ADAMTSL1: variants seen among roughly 807,000 people sequenced by gnomAD.
ADAMTSL1 encodes ADAMTS-like protein 1.
Under a neutral mutation model 201.8 loss-of-function variants are expected in ADAMTSL1, and 126 were observed. The observed-to-expected ratio is 0.62, with a 90% CI of 0.54 to 0.72. ADAMTSL1 has a LOEUF of 0.72. Ranked by LOEUF, ADAMTSL1 falls within the 30% of genes least tolerant of loss-of-function variation. ADAMTSL1 has a pLI of 0.00. For synonymous variants in ADAMTSL1, 1,121 were observed against 903.4 expected, an observed-to-expected ratio of 1.24 and a Z score of -4.32; for missense variants, 2,679 against 2,277.8, an observed-to-expected ratio of 1.18 and a Z score of -3.59.
intron 1 of ADAMTSL1, among the ~76,000 whole-genome samples, chr9:17,943,281 A>G (rs1441334749): frequency 3.3e-5 from 5 of 152,126 alleles, no homozygotes; most frequent in African/African-American, 1.2e-4. Flanking sequence ...GTGTTCATAA[A>G]GAGTAGCTTA....
At chr9:18,266,691 A>G (rs1832129705) in intron 2 of ADAMTSL1, among the ~76,000 whole-genome samples, 1 of 152,142 alleles carries the variant, frequency 6.6e-6, no homozygotes, top group Non-Finnish European at 1.5e-5. Context: ...CATCATGGTG[A>G]TGGTCTCACT....
At chr9:18,030,193 T>G (rs1307258561) in intron 1 of ADAMTSL1, among the ~76,000 whole-genome samples, 3 of 152,210 alleles carry the variant, frequency 2.0e-5, no homozygotes, top group Admixed American at 6.5e-5. Flanking sequence ...GTGGCACATA[T>G]ACACCATGGA....
Position 18,540,382 on chromosome 9 carries a change from G to C in ADAMTSL1, c.237+7090G>C, listed in dbSNP as rs57730671. Among the ~76,000 whole-genome samples the C allele has an allele frequency of 8.2e-3, 1,244 of 152,298 alleles. 20 individuals carry two copies. Among genetic ancestry groups the C allele is most frequent in the African/African-American group, 0.029 (1,198 of 41,572 alleles). ...GAATGATTATGAAAGAAATAAAGCA[G>C]AGTAATGGGATGGAGAGTGACACAG... On this transcript the variant is annotated intron_variant, in intron 3 of 28. Coordinates refer to ENST00000380548, the MANE Select transcript of ADAMTSL1 (RefSeq NM_001040272.6).
At position 18,138,201 on chromosome 9, in the gene ADAMTSL1, A is replaced by G. The variant is rs138362090; in HGVS notation, c.88-25661A>G. ...CGAAAAGTAAGTATTAAATGAGGCA[A>G]TATGTGTTCAAATTGCTCTGTAAAT... On this transcript the variant is annotated intron_variant, in intron 1 of 29. Coordinates refer to the ADAMTSL1 transcript ENST00000680146. 4.5e-4 allele frequency among the ~76,000 whole-genome samples: 68 copies of G among 152,304 alleles called. No individual in the cohort carries two copies. The East Asian group carries it at 0.013, about 29-fold the overall frequency.
intron 4 of ADAMTSL1, among the ~76,000 whole-genome samples, chr9:18,602,135 A>G (rs561948705): frequency 1.7e-4 from 26 of 152,328 alleles, no homozygotes; most frequent in African/African-American, 5.5e-4. Flanking sequence ...CCTACTGCCT[A>G]TGAGAAGGTA....
intron 2 of ADAMTSL1, among the ~76,000 whole-genome samples, chr9:18,274,925 C>T (rs1047182590): frequency 1.3e-5 from 2 of 152,170 alleles, no homozygotes; most frequent in Admixed American, 1.3e-4. Flanking sequence ...AATTTCCTCC[C>T]ATGAGCAAAA....
chr9:18,194,076 G>A (rs1475798892), intron 2 of ADAMTSL1, among the ~76,000 whole-genome samples: 1 of 151,998 alleles, frequency 6.6e-6, no homozygotes, highest in East Asian at 1.9e-4. Context: ...GAGGACAGTT[G>A]GAGTGATAGT....
At chr9:18,876,110 T>G (rs1828131546) in intron 23 of ADAMTSL1, among the ~76,000 whole-genome samples, 1 of 152,162 alleles carries the variant, frequency 6.6e-6, no homozygotes, top group African/African-American at 2.4e-5. Flanking sequence ...TTCTACCCCT[T>G]TACCTTAAGT....
chr9:18,335,454 T>G (rs752239022), intron 2 of ADAMTSL1, among the ~76,000 whole-genome samples: 80 of 152,074 alleles, frequency 5.3e-4, no homozygotes, highest in Non-Finnish European at 1.0e-3. Context: ...GGAGGCAATA[T>G]ATCACAAAAT....
At chr9:18,716,509 A>G (rs1206519517) in intron 14 of ADAMTSL1, among the ~76,000 whole-genome samples, 1 of 151,834 alleles carries the variant, frequency 6.6e-6, no homozygotes, top group African/African-American at 2.4e-5. Flanking sequence ...ACTGGCCATC[A>G]GAGAAATGCA....
intron 1 of ADAMTSL1, among the ~76,000 whole-genome samples, chr9:18,087,003 G>GT (rs2131799340): frequency 6.6e-6 from 1 of 152,228 alleles, no homozygotes; most frequent in African/African-American, 2.4e-5. Context: ...AATCAACTCT[G>GT]TTTTTGTAAA....
intron 4 of ADAMTSL1, among the ~76,000 whole-genome samples, chr9:18,618,538 A>AC (rs1825840003): frequency 6.6e-6 from 1 of 151,686 alleles, no homozygotes; most frequent in South Asian, 2.1e-4. Flanking sequence ...GAAAAAAAAA[A>AC]CAAAATAATA....
intron 2 of ADAMTSL1, among the ~76,000 whole-genome samples, chr9:18,430,110 C>G (rs1433460301): frequency 6.6e-6 from 1 of 152,038 alleles, no homozygotes; most frequent in Non-Finnish European, 1.5e-5. Context: ...AGATTTTAAA[C>G]AGGACTTCTT....
intron 23 of ADAMTSL1, among the ~76,000 whole-genome samples, chr9:18,857,247 T>C (rs1436312292): frequency 1.3e-5 from 2 of 152,356 alleles, no homozygotes; most frequent in East Asian, 3.9e-4. Flanking sequence ...TAATACCTCA[T>C]TGCCCAGTGC....
At chr9:18,458,263 T>G (rs942802679) in intron 2 of ADAMTSL1, among the ~76,000 whole-genome samples, 9 of 152,150 alleles carry the variant, frequency 5.9e-5, no homozygotes, top group African/African-American at 2.2e-4. Context: ...CTAGTGTGTA[T>G]ATACCTACAC....
intron 2 of ADAMTSL1, among the ~76,000 whole-genome samples, chr9:18,279,335 T>G (rs1013627704): frequency 2.6e-5 from 4 of 152,074 alleles, no homozygotes; most frequent in Admixed American, 6.5e-5. Context: ...TCTGTGCAGG[T>G]GGACCCACAG....
At chr9:18,890,661 A>T in intron 25 of ADAMTSL1, 1 of 455,198 alleles carries the variant, frequency 2.2e-6, no homozygotes, top group South Asian at 1.6e-5. Flanking sequence ...CACAGGAATG[A>T]TTAATGTCCT....
intron 7 of ADAMTSL1, 89 bp from the exon 8 acceptor site, chr9:18,657,550 G>A: frequency 1.1e-6 from 1 of 914,594 alleles, no homozygotes; most frequent in East Asian, 2.5e-5. Context: ...AAAACCATCA[G>A]CACTACCATA....
At chr9:18,408,589 G>C (rs1818302397) in intron 2 of ADAMTSL1, among the ~76,000 whole-genome samples, 1 of 152,174 alleles carries the variant, frequency 6.6e-6, no homozygotes, top group Non-Finnish European at 1.5e-5. Context: ...CTCTTCTAGA[G>C]CTTGCAGTCT....
Sources: allele counts gnomAD v4.1 joint callset (sites outside exome capture counted in the v4.1 genomes callset), GRCh38; gene constraint gnomAD v4.1.1; transcripts MANE v1.5; gene names NCBI Gene and HGNC (gene_info 2026-07-23, HGNC 2026-07-21).